ADAMTS16: variants seen among roughly 807,000 people sequenced by gnomAD.
ADAMTS16 encodes the protein A disintegrin and metalloproteinase with thrombospondin motifs 16.
ADAMTS16 carries 94 observed loss-of-function variants against 145.8 expected under a neutral mutation model. The observed-to-expected ratio is 0.64, with a 90% CI of 0.55 to 0.77. ADAMTS16 has a LOEUF of 0.77. Among genes scored for constraint, ADAMTS16 ranks in the 30% least tolerant of loss-of-function variants. ADAMTS16 has a pLI of 0.00. For missense variants in ADAMTS16, 1,585 were observed against 1,591.5 expected, an observed-to-expected ratio of 1.00 and a Z score of 0.07; for synonymous variants, 659 against 604.3, an observed-to-expected ratio of 1.09 and a Z score of -1.33.
intron 6 of ADAMTS16, among the ~76,000 whole-genome samples, chr5:5,189,165 A>G (rs1386856692): frequency 6.6e-6 from 1 of 152,246 alleles, no homozygotes. Context: ...TAAACAAGCC[A>G]GTGTCCTGAA....
intron 8 of ADAMTS16, among the ~76,000 whole-genome samples, chr5:5,193,864 G>A (rs750746308): frequency 6.6e-6 from 1 of 152,182 alleles, no homozygotes; most frequent in African/African-American, 2.4e-5. Context: ...ACTTTGAAAG[G>A]CTGAGGTGGG....
intron 11 of ADAMTS16, among the ~76,000 whole-genome samples, chr5:5,230,765 A>T (rs937243472): frequency 2.0e-5 from 3 of 152,346 alleles, no homozygotes; most frequent in Admixed American, 2.0e-4. Flanking sequence ...TATGATGCAC[A>T]TTGAGTTTGC....
rs531335354 is a variant in ADAMTS16 at position 5,208,979 on chromosome 5, T to G, written c.1452-114T>G. 15 of 1,195,384 alleles carry G rather than the reference T, an allele frequency of 1.3e-5. 1 individual carries two copies. In the Admixed American group the frequency reaches 3.7e-4, roughly 29 times the overall value. The allele number at this position is 1,195,384 out of a possible 1,614,324, so 74.0% of individuals were successfully genotyped here. On this transcript the variant is annotated intron_variant, in intron 9 of 22. Coordinates refer to ENST00000274181, the MANE Select transcript of ADAMTS16 (RefSeq NM_139056.4). ...CTCAGGAGAAAAAAAGTTCTCCTCT[T>G]TGTATACACAATATATGTTGTAAAA... is the stretch of plus-strand genomic sequence containing the variant.
At chr5:5,249,674 G>T (rs1427053750) in intron 17 of ADAMTS16, among the ~76,000 whole-genome samples, 1 of 152,162 alleles carries the variant, frequency 6.6e-6, no homozygotes, top group Admixed American at 6.5e-5. Context: ...TGGAGCCCCA[G>T]AGGGCCTGTG....
chr5:5,303,892 C>A (rs1739908372), intron 20 of ADAMTS16, 126 bp downstream of exon 20: 3 of 1,134,238 alleles, frequency 2.6e-6, no homozygotes, highest in Non-Finnish European at 1.2e-6. Flanking sequence ...GGCTTCCTTG[C>A]ACCTTCTCAG....
chr5:5,192,072 C>T (rs1284404951), intron 8 of ADAMTS16, among the ~76,000 whole-genome samples: 2 of 152,156 alleles, frequency 1.3e-5, no homozygotes, highest in African/African-American at 4.8e-5. Context: ...CAATGTCTGC[C>T]TCCTGGGCTC....
Position 5,190,034 on chromosome 5 carries a change from G to A in ADAMTS16, c.1111G>A (p.Gly371Arg), listed in dbSNP as rs1735616935. The change falls in exon 7 of 23, where the codon GGA becomes AGA. Residue 371 changes from glycine (G) to arginine (R), a missense_variant. Around this residue, in one of 3 missense-constraint regions of ADAMTS16, gnomAD observed 298 missense variants for 367.6 expected, o/e 0.81. Transcript: ENST00000274181. ...TLSSFCQWQS[G>R]LMGKDGTRHD... ...AAGTAGCTTCTGCCAGTGGCAGTCT[G>A]GATTGATGGGGAAAGATGGGACTCG... 6.2e-7 allele frequency: 1 copy of A among 1,613,298 alleles called. No homozygotes were observed. The highest frequency in any genetic ancestry group is 8.5e-7 in the Non-Finnish European group (1 of 1,179,668).
At chr5:5,180,200 G>A (rs893541978) in intron 3 of ADAMTS16, among the ~76,000 whole-genome samples, 4 of 152,094 alleles carry the variant, frequency 2.6e-5, no homozygotes, top group Non-Finnish European at 5.9e-5. Context: ...GTCAGCAGCT[G>A]AGAATACCTA....
intron 3 of ADAMTS16, among the ~76,000 whole-genome samples, chr5:5,169,764 G>T (rs548690058): frequency 1.6e-4 from 25 of 152,118 alleles, no homozygotes; most frequent in Non-Finnish European, 2.5e-4. Flanking sequence ...TGCTGAGAGG[G>T]TGCTTACTGA....
At chr5:5,247,672 G>A (rs1014461459) in intron 17 of ADAMTS16, among the ~76,000 whole-genome samples, 15 of 152,340 alleles carry the variant, frequency 9.8e-5, no homozygotes, top group Middle Eastern at 3.4e-3. Context: ...CAGGTCACTT[G>A]TACCCACAGG....
intron 3 of ADAMTS16, among the ~76,000 whole-genome samples, chr5:5,166,509 G>C (rs1445387220): frequency 6.6e-6 from 1 of 152,210 alleles, no homozygotes; most frequent in Non-Finnish European, 1.5e-5. Context: ...GGGGGTGCAG[G>C]CTCCTGGGAA....
At chr5:5,172,032 T>C (rs1290791108) in intron 3 of ADAMTS16, among the ~76,000 whole-genome samples, 2 of 152,160 alleles carry the variant, frequency 1.3e-5, no homozygotes, top group Non-Finnish European at 2.9e-5. Context: ...CCATTTCTTC[T>C]AGGCTTTCCA....
chr5:5,295,525 C>A (rs1018169583), intron 18 of ADAMTS16, among the ~76,000 whole-genome samples: 3 of 152,234 alleles, frequency 2.0e-5, no homozygotes, highest in Non-Finnish European at 4.4e-5. Context: ...CATCCCTGGG[C>A]AAGGCTGGCA....
At chr5:5,259,055 G>A (rs773093484) in intron 17 of ADAMTS16, among the ~76,000 whole-genome samples, 6 of 152,112 alleles carry the variant, frequency 3.9e-5, no homozygotes, top group African/African-American at 7.2e-5. Context: ...CTCGGTACCC[G>A]TGTCCATGCT....
intron 17 of ADAMTS16, among the ~76,000 whole-genome samples, chr5:5,260,603 G>A (rs1256713776): frequency 2.0e-5 from 3 of 152,190 alleles, no homozygotes; most frequent in Non-Finnish European, 1.5e-5. Context: ...AATGCTCAAA[G>A]GGCTAAACCT....
At chr5:5,145,620 C>T (rs1734273392) in intron 2 of ADAMTS16, among the ~76,000 whole-genome samples, 1 of 152,172 alleles carries the variant, frequency 6.6e-6, no homozygotes, top group Non-Finnish European at 1.5e-5. Flanking sequence ...TATGTGCCCC[C>T]AGTAAAGGAC....
In ADAMTS16 at chr5:5,317,458, G is replaced by A. The variant is rs1006407751; in HGVS notation, c.3412-676G>A. Among the ~76,000 whole-genome samples the A allele has an allele frequency of 7.2e-5, 11 of 152,088 alleles. No individual in the cohort carries two copies. Among genetic ancestry groups the A allele is most frequent in the African/African-American group, 2.7e-4 (11 of 41,388 alleles). ...TGCCCAGGCTGAAGTGCTGTGGCAT[G>A]ATCTCAGCTCACTGCAACCTCTGCC... On this transcript the variant is annotated intron_variant, in intron 21 of 22. Coordinates refer to ENST00000274181, the MANE Select transcript of ADAMTS16 (RefSeq NM_139056.4). This position sits in a 1 kb window ranked among gnomAD's most constrained non-coding sequence, Gnocchi z 4.5.
intron 18 of ADAMTS16, among the ~76,000 whole-genome samples, chr5:5,280,360 T>C (rs1306948007): frequency 6.6e-6 from 1 of 151,920 alleles, no homozygotes; most frequent in African/African-American, 2.4e-5. Flanking sequence ...AATGGAGGGG[T>C]GTGTGTGTTT....
chr5:5,173,178 G>GTT (rs71604109), intron 3 of ADAMTS16, among the ~76,000 whole-genome samples: 90 of 142,650 alleles, frequency 6.3e-4, no homozygotes, highest in Non-Finnish European at 7.0e-4. Flanking sequence ...ATTGGGTCTT[G>GTT]TTTTTTTTTT....
Sources: allele counts gnomAD v4.1 joint callset (sites outside exome capture counted in the v4.1 genomes callset), GRCh38; gene constraint gnomAD v4.1.1; regional missense constraint gnomAD v4.1.1; non-coding constraint Gnocchi (gnomAD v3.1); transcripts MANE v1.5; gene names NCBI Gene and HGNC (gene_info 2026-07-23, HGNC 2026-07-21).